The following CELF1 variants were observed in gnomAD, a reference collection of about 807,000 sequenced individuals.
CELF1 encodes the protein 50 kDa nuclear polyadenylated RNA-binding protein.
In CELF1, 10 loss-of-function variants were observed where a neutral mutation model predicts 61.8. That is an observed-to-expected ratio of 0.16 (90% CI 0.10 to 0.27). The LOEUF (loss-of-function observed/expected upper bound fraction) is 0.27. CELF1 is among the 10% of genes least tolerant of loss of function. The probability of loss-of-function intolerance (pLI) is 1.00; values close to 1 mark genes in which losing one functional copy is unlikely to be tolerated. For missense variants in CELF1, 380 were observed against 639.1 expected (o/e 0.59, Z 4.37); for synonymous variants, 236 against 225.1 (o/e 1.05, Z -0.43).
At chr11:47,558,928 A>G (rs2097217136) in intron 2 of CELF1, among the ~76,000 whole-genome samples, 1 of 137,128 alleles carries the variant, frequency 7.3e-6, no homozygotes, top group African/African-American at 2.7e-5. Flanking sequence ...AATATATTGT[A>G]TATAATGCGG....
chr11:47,496,252 A>C (rs1465824220), intron 3 of CELF1, among the ~76,000 whole-genome samples: 1 of 152,234 alleles, frequency 6.6e-6, no homozygotes, highest in African/African-American at 2.4e-5. Flanking sequence ...CAATAAAGAC[A>C]ATAATAATTT....
At chr11:47,558,736 A>AT (rs1337422102) in intron 2 of CELF1, among the ~76,000 whole-genome samples, 8 of 112,968 alleles carry the variant, frequency 7.1e-5, no homozygotes, top group Admixed American at 1.2e-4. Flanking sequence ...TATTATATAT[A>AT]ATTGTATATA....
At chr11:47,490,861 C>T (rs1217644641) in intron 3 of CELF1, among the ~76,000 whole-genome samples, 2 of 150,862 alleles carry the variant, frequency 1.3e-5, no homozygotes, top group African/African-American at 4.9e-5. Flanking sequence ...TATATATTTT[C>T]TTTCTTTTTT....
Position 47,488,893 on chromosome 11 carries a change from G to T in CELF1, c.203C>A (p.Ala68Asp). The change falls in exon 4 of 15, where the codon GCT becomes GAT. Residue 68 changes from alanine to aspartate, a missense_variant. Ala to Asp is a moderately radical substitution (Grantham distance 126). Coordinates refer to ENST00000687097, the MANE Select transcript of CELF1 (RefSeq NM_001376376.1). ...CCTTAGGACGTTGATTTCATACACA[G>T]CACCATACTGTTCGAAGAGTTCCCG... ...DLRELFEQYG[A>D]VYEINVLRDR... 6.2e-7 allele frequency: 1 copy of T among 1,612,230 alleles called. No homozygotes were observed. Among genetic ancestry groups the T allele is most frequent in the Non-Finnish European group, 8.5e-7 (1 of 1,179,364 alleles).
At chr11:47,514,485 G>C (rs2095434944) in intron 1 of CELF1, among the ~76,000 whole-genome samples, 1 of 151,962 alleles carries the variant, frequency 6.6e-6, no homozygotes, top group Admixed American at 6.6e-5. Flanking sequence ...CTAAACCAGA[G>C]GTCGTCTCAC....
chr11:47,473,513 G>T (rs1303776147), intron 13 of CELF1, among the ~76,000 whole-genome samples: 1 of 152,196 alleles, frequency 6.6e-6, no homozygotes, highest in Non-Finnish European at 1.5e-5. Flanking sequence ...AGGCCGACTT[G>T]TGTGTGGAGC....
rs528549067 is a variant in CELF1 at position 47,548,083 on chromosome 11, G to A, written c.-154+4909C>T. Among the ~76,000 whole-genome samples, 63 of 152,172 alleles carry A rather than the reference G, an allele frequency of 4.1e-4. 1 individual carries two copies. In the South Asian group the frequency reaches 0.012, roughly 29 times the overall value. On this transcript the variant is annotated intron_variant, in intron 1 of 14. Coordinates refer to ENST00000687097, the MANE Select transcript of CELF1 (RefSeq NM_001376376.1). The stretch of plus-strand genomic sequence containing the variant: ...TGGGAGGCTGAGGCAGGTGGATCAC[G>A]AGGTCTGGAGTTCAAGACCAGCCTG...
chr11:47,550,513 C>T (rs895139783), intron 1 of CELF1, among the ~76,000 whole-genome samples: 3 of 152,088 alleles, frequency 2.0e-5, no homozygotes, highest in South Asian at 2.1e-4. Context: ...GACTCCATGG[C>T]GGGGTTGGGG....
intron 13 of CELF1, 61 bp downstream of exon 13, chr11:47,475,275 C>T (rs7102372): frequency 0.13 from 195,004 of 1,531,834 alleles, 13,492 homozygotes; most frequent in Non-Finnish European, 0.14. Flanking sequence ...TCTGCCTTTC[C>T]GTTCTGGTAT....
At chr11:47,500,992 AAGAAAGGCAACACACAATGGCATAGGCCT>A (rs2093825071) in intron 1 of CELF1, 60 bp from the exon 2 acceptor site, 4 of 397,974 alleles carry the variant, frequency 1.0e-5, no homozygotes, top group Admixed American at 4.4e-5. Context: ...AAAAAAAAAA[AAGAAAGGCAACACACAATGGCATAGGCCT>A]AGAAGTTCTA....
chr11:47,550,273 A>G (rs1598621964), intron 1 of CELF1, among the ~76,000 whole-genome samples: 4 of 152,154 alleles, frequency 2.6e-5, no homozygotes, highest in South Asian at 4.2e-4. Flanking sequence ...GCTTACACCT[A>G]TAATCCTAGT....
intron 1 of CELF1, among the ~76,000 whole-genome samples, chr11:47,531,319 C>T (rs1235368947): frequency 6.6e-6 from 1 of 152,046 alleles, no homozygotes; most frequent in Non-Finnish European, 1.5e-5. Flanking sequence ...CCTGTCAACC[C>T]AGCGCTTTGG....
chr11:47,472,850 T>G (rs1043650365), intron 14 of CELF1, among the ~76,000 whole-genome samples: 6 of 152,224 alleles, frequency 3.9e-5, no homozygotes, highest in Non-Finnish European at 7.3e-5. Flanking sequence ...TTTAAAGGTT[T>G]TTTTGCAAAC....
At chr11:47,518,724 A>G (rs757149696) in intron 1 of CELF1, among the ~76,000 whole-genome samples, 1 of 151,944 alleles carries the variant, frequency 6.6e-6, no homozygotes, top group African/African-American at 2.4e-5. Flanking sequence ...CAAACACATC[A>G]ATTTCCTTCC....
chr11:47,513,676 CG>C (rs1466257591), intron 1 of CELF1: 1 of 151,574 alleles, frequency 6.6e-6, no homozygotes, highest in African/African-American at 2.4e-5. Flanking sequence ...AGGATGGTCT[CG>C]ATCTCCTGAC....
In CELF1 at chr11:47,470,197, G is replaced by A. The variant is rs1300154948; in HGVS notation, c.*2033C>T. ...AATAAATATTCTCCACCCCGGAGCT[G>A]TATAAAACTTCTATAAAAATAGAAA... On this transcript the variant is annotated 3_prime_UTR_variant, in exon 15 of 15. Coordinates refer to ENST00000687097, the MANE Select transcript of CELF1 (RefSeq NM_001376376.1). 2 of 151,434 alleles carry A rather than the reference G, an allele frequency of 1.3e-5. No individual in the cohort carries two copies. The highest frequency in any genetic ancestry group is 1.5e-5 in the Non-Finnish European group (1 of 67,896). 9.4% of individuals were successfully genotyped at this position (151,434 alleles called of 1,614,324 possible).
chr11:47,496,966 G>A (rs983499525), intron 3 of CELF1, among the ~76,000 whole-genome samples: 5 of 152,184 alleles, frequency 3.3e-5, no homozygotes, highest in African/African-American at 4.8e-5. Flanking sequence ...CAGGGAACAT[G>A]GAGATCAGAA....
At chr11:47,504,051 T>C (rs933071510) in intron 1 of CELF1, among the ~76,000 whole-genome samples, 3 of 152,146 alleles carry the variant, frequency 2.0e-5, no homozygotes, top group African/African-American at 7.2e-5. Flanking sequence ...TGATGCATAC[T>C]GTAGTCTCAG....
intron 1 of CELF1, among the ~76,000 whole-genome samples, chr11:47,552,605 G>A (rs549847841): frequency 6.6e-6 from 1 of 152,326 alleles, no homozygotes; most frequent in Non-Finnish European, 1.5e-5. Flanking sequence ...GAGATGGGGT[G>A]TCCCGGGCAG....
Sources: gnomAD v4.1 joint callset for allele counts (sites outside exome capture counted in the v4.1 genomes callset) on GRCh38, gnomAD v4.1.1 for gene constraint, MANE v1.5 for transcripts, NCBI Gene and HGNC (gene_info 2026-07-23, HGNC 2026-07-21) for gene names.